The following CELF2 variants were observed in gnomAD, a reference collection of about 807,000 sequenced individuals.
The protein encoded by CELF2 is CUGBP Elav-like family member 2, also known as CUG triplet repeat RNA-binding protein 2.
CELF2 carries 8 observed loss-of-function variants against 62.6 expected under a neutral mutation model. That is an observed-to-expected ratio of 0.13 (90% CI 0.07 to 0.23). The LOEUF is 0.23. CELF2 is among the 10% of genes least tolerant of loss of function. The pLI is 1.00. For synonymous variants in CELF2, 258 were observed against 250.0 expected (o/e 1.03, Z -0.30); for missense variants, 333 against 671.0 (o/e 0.50, Z 5.56).
the CELF2 span, among the ~76,000 whole-genome samples, chr10:10,771,297 T>C: frequency 6.6e-6 from 1 of 152,120 alleles, no homozygotes; most frequent in Non-Finnish European, 1.5e-5. Flanking sequence ...CCGGAAGCCA[T>C]AGTTTACAGT....
chr10:10,945,702 G>A (rs996941053), intron 2 of CELF2, among the ~76,000 whole-genome samples: 3 of 152,162 alleles, frequency 2.0e-5, no homozygotes, highest in Admixed American at 1.3e-4. Flanking sequence ...AAATGGTGTC[G>A]CTGACAGTCA....
At chr10:11,226,600 C>CCACACAAACA (rs1298908039) in intron 3 of CELF2, among the ~76,000 whole-genome samples, 12 of 25,964 alleles carry the variant, frequency 4.6e-4, no homozygotes, top group East Asian at 0.017. Context: ...CAGGCAGTGG[C>CCACACAAACA]CACACACACA....
chr10:10,778,060 G>A, the CELF2 span, among the ~76,000 whole-genome samples: 9 of 152,184 alleles, frequency 5.9e-5, no homozygotes, highest in African/African-American at 9.7e-5. Flanking sequence ...AATCAGGTTC[G>A]GGAGATGGGG....
At position 10,869,341 on chromosome 10, in the gene CELF2, A is replaced by G. The variant is rs574701328; in HGVS notation, c.54-50623A>G. On this transcript the variant is annotated intron_variant, in intron 1 of 13. Coordinates refer to the CELF2 transcript ENST00000636488. Reference sequence around the variant, plus strand: ...CACTTTGGGAGGCCAAGGCGGGCAGATCACAAGGTCAGGAGTTTGAGACCA... The same window carrying G: ...CACTTTGGGAGGCCAAGGCGGGCAGGTCACAAGGTCAGGAGTTTGAGACCA... Among the ~76,000 whole-genome samples the G allele has an allele frequency of 3.3e-5, 5 of 152,298 alleles. No homozygotes were observed. In the South Asian group the frequency reaches 6.2e-4, roughly 19 times the overall value.
chr10:11,199,282 C>T (rs61830889), intron 2 of CELF2, among the ~76,000 whole-genome samples: 6 of 152,170 alleles, frequency 3.9e-5, no homozygotes, highest in African/African-American at 1.4e-4. Context: ...CTCCCCGATT[C>T]GGTTGCTGGT....
chr10:10,512,050 C>T, the CELF2 span, among the ~76,000 whole-genome samples: 2 of 152,142 alleles, frequency 1.3e-5, no homozygotes, highest in Non-Finnish European at 2.9e-5. Context: ...TCAGTATATT[C>T]CAGAAGGACT....
In CELF2 at chr10:10,928,337, T is replaced by C. The variant is rs1259211092; in HGVS notation, c.89+8338T>C. On this transcript the variant is annotated intron_variant, in intron 2 of 13. Coordinates refer to the CELF2 transcript ENST00000636488. The surrounding 1 kb of genome is among the most constrained non-coding windows in gnomAD (Gnocchi z 4.8). Reference sequence around the variant, plus strand: ...ATAAGAAAACTGAGATCTGGTCTCCTACTCTTTGTATGTGTTCTTCCTTCT... The same window carrying C: ...ATAAGAAAACTGAGATCTGGTCTCCCACTCTTTGTATGTGTTCTTCCTTCT... Among the ~76,000 whole-genome samples the C allele has an allele frequency of 6.6e-6, 1 of 152,206 alleles. No individual in the cohort carries two copies. Among genetic ancestry groups the C allele is most frequent in the Non-Finnish European group, 1.5e-5 (1 of 68,034 alleles).
Position 11,305,906 on chromosome 10 carries a change from G to A in CELF2, c.977-8233G>A, listed in dbSNP as rs971063417. On this transcript the variant is annotated intron_variant, in intron 9 of 12. Coordinates refer to ENST00000633077, the MANE Select transcript of CELF2 (RefSeq NM_001326342.2). This position sits in a 1 kb window ranked among gnomAD's most constrained non-coding sequence, Gnocchi z 4.8. The stretch of plus-strand genomic sequence containing the variant: ...GTCTCTGGACCACCTCGCTTTTCCT[G>A]TTCTCCACACCCCACCCTGCCCCAC... 1.3e-5 allele frequency among the ~76,000 whole-genome samples: 2 copies of A among 152,166 alleles called. No homozygotes were observed. The highest frequency in any genetic ancestry group is 4.8e-5 in the African/African-American group (2 of 41,432).
chr10:10,869,431 G>A (rs189225611), intron 1 of CELF2, among the ~76,000 whole-genome samples: 3 of 152,146 alleles, frequency 2.0e-5, no homozygotes, highest in African/African-American at 7.2e-5. Flanking sequence ...GCATGGTGGT[G>A]TACGCCCGTA....
At chr10:11,287,300 G>A (rs912270174) in intron 8 of CELF2, among the ~76,000 whole-genome samples, 2 of 152,070 alleles carry the variant, frequency 1.3e-5, no homozygotes, top group Admixed American at 6.5e-5. Context: ...CTTCTCACAT[G>A]TGCAGTCTTC....
intron 2 of CELF2, among the ~76,000 whole-genome samples, chr10:11,180,378 G>A (rs2072900044): frequency 6.6e-6 from 1 of 152,210 alleles, no homozygotes; most frequent in Non-Finnish European, 1.5e-5. Flanking sequence ...ACTAAGGGTT[G>A]ACTTCCCCAC....
chr10:10,483,064 C>G, the CELF2 span, among the ~76,000 whole-genome samples: 3 of 152,086 alleles, frequency 2.0e-5, no homozygotes, highest in Admixed American at 6.6e-5. Context: ...GCTGGTGTGT[C>G]CCCTTCTCTT....
intron 3 of CELF2, among the ~76,000 whole-genome samples, chr10:11,222,108 G>A (rs1439265445): frequency 4.6e-5 from 7 of 151,584 alleles, no homozygotes; most frequent in African/African-American, 7.3e-5. Flanking sequence ...CACTCTGCTC[G>A]CCATGGAGTT....
At chr10:10,875,397 G>T (rs999500891) in intron 1 of CELF2, among the ~76,000 whole-genome samples, 1 of 152,070 alleles carries the variant, frequency 6.6e-6, no homozygotes, top group Non-Finnish European at 1.5e-5. Context: ...TTTTCAGAGG[G>T]GATTTTTATA....
Position 11,098,510 on chromosome 10 carries a change from G to A in CELF2, c.75-66976G>A, listed in dbSNP as rs896854638. The stretch of plus-strand genomic sequence containing the variant: ...GAATCACAGAGGAAAGGGCAGTTAG[G>A]GAAGAAATGAGGGAAAAAATGGATG... On this transcript the variant is annotated intron_variant, in intron 1 of 12. Coordinates refer to ENST00000633077, the MANE Select transcript of CELF2 (RefSeq NM_001326342.2). The surrounding 1 kb of genome is among the most constrained non-coding windows in gnomAD (Gnocchi z 4.0). 2.6e-5 allele frequency: 4 copies of A among 152,186 alleles called. No individual in the cohort carries two copies. Among genetic ancestry groups the A allele is most frequent in the African/African-American group, 7.2e-5 (3 of 41,420 alleles). 9.4% of individuals were successfully genotyped at this position (152,186 alleles called of 1,614,324 possible).
chr10:10,485,319 T>C, the CELF2 span, among the ~76,000 whole-genome samples: 1 of 152,342 alleles, frequency 6.6e-6, no homozygotes, highest in Admixed American at 6.5e-5. Context: ...GTTCAACAGA[T>C]GCTCTTCTCT....
At chr10:11,047,404 TAAAC>T (rs1168322604) in intron 1 of CELF2, among the ~76,000 whole-genome samples, 1 of 152,120 alleles carries the variant, frequency 6.6e-6, no homozygotes, top group African/African-American at 2.4e-5. Flanking sequence ...TTAAGCAAAA[TAAAC>T]AGGTATCTTT....
At chr10:10,743,145 A>T in the CELF2 span, among the ~76,000 whole-genome samples, 3 of 152,184 alleles carry the variant, frequency 2.0e-5, no homozygotes, top group Non-Finnish European at 4.4e-5. Context: ...CCCACTGCAG[A>T]CACTCCTCTG....
intron 1 of CELF2, among the ~76,000 whole-genome samples, chr10:11,109,513 G>A (rs1228447662): frequency 6.6e-6 from 1 of 152,150 alleles, no homozygotes; most frequent in Non-Finnish European, 1.5e-5. Context: ...ATTTTCACAC[G>A]AAGAATCTGA....
Sources: gnomAD v4.1 joint callset for allele counts (sites outside exome capture counted in the v4.1 genomes callset) on GRCh38, gnomAD v4.1.1 for gene constraint, Gnocchi (gnomAD v3.1) non-coding constraint, MANE v1.5 for transcripts, NCBI Gene and HGNC (gene_info 2026-07-23, HGNC 2026-07-21) for gene names.